OTX2: variants seen among roughly 807,000 people sequenced by gnomAD.
OTX2 encodes the protein homeobox protein OTX2.
Under a neutral mutation model 29.0 loss-of-function variants are expected in OTX2, and 4 were observed. The observed-to-expected ratio is 0.14, with a 90% CI of 0.07 to 0.32. OTX2 has a LOEUF of 0.32. OTX2 is among the 10% of genes least tolerant of loss of function. The pLI is 1.00. For missense variants in OTX2, 298 were observed against 365.9 expected (o/e 0.81, Z 1.51); for synonymous variants, 134 against 141.0 (o/e 0.95, Z 0.35).
At position 56,804,285 on chromosome 14, in the gene OTX2, T is replaced by C. The variant is rs567955379; in HGVS notation, c.176A>G (p.Asp59Gly). Residue 59 changes from aspartate to glycine, a missense_variant, in exon 4 of 5, where the codon GAT becomes GGT. This residue lies in a region of OTX2 where 29 missense variants were observed against 84.7 expected (regional missense o/e 0.34). Coordinates refer to ENST00000672264, the MANE Select transcript of OTX2 (RefSeq NM_021728.4). The surrounding 1 kb of genome is among the most constrained non-coding windows in gnomAD (Gnocchi z 4.1). ...ERTTFTRAQL[D>G]VLEALFAKTR... is the part of the protein sequence containing the mutation. ...CTTGGCAAACAGTGCTTCCAGCACA[T>C]CTAGCTGCGCCCGAGTGAACGTCGT... The C allele has an allele frequency of 6.2e-7, 1 of 1,614,136 alleles. No individual in the cohort carries two copies. The highest frequency in any genetic ancestry group is 1.1e-5 in the South Asian group (1 of 91,082).
At chr14:56,806,412 C>CA (rs1892091806) in intron 2 of OTX2, among the ~76,000 whole-genome samples, 1 of 152,176 alleles carries the variant, frequency 6.6e-6, no homozygotes, top group African/African-American at 2.4e-5. Flanking sequence ...AAGCATATTC[C>CA]AAAAAAGTCT....
rs1892007662 is a variant in OTX2, at chr14:56,804,449, C to T, written c.98-86G>A. On this transcript the variant is annotated intron_variant, in intron 3 of 4. Transcript: ENST00000672264. This position sits in a 1 kb window ranked among gnomAD's most constrained non-coding sequence, Gnocchi z 4.1. The stretch of plus-strand genomic sequence containing the variant: ...TGCCCTCCACCCCGCAGCAGTCCCC[C>T]GTTCCTCACAGCCCTTCAGCCGGGA... The T allele has an allele frequency of 7.8e-7, 1 of 1,289,532 alleles. No homozygotes were observed. Among genetic ancestry groups the T allele is most frequent in the East Asian group, 2.5e-5 (1 of 40,248 alleles). The allele number at this position is 1,289,532 out of a possible 1,614,324, so 79.9% of individuals were successfully genotyped here.
chr14:56,806,094 G>A (rs895291132), intron 2 of OTX2, among the ~76,000 whole-genome samples: 3 of 152,126 alleles, frequency 2.0e-5, no homozygotes, highest in African/African-American at 7.2e-5. Context: ...GCCTTTCCAT[G>A]GCAGAGATTT....
At chr14:56,808,613 T>G (rs1478411080) in intron 2 of OTX2, among the ~76,000 whole-genome samples, 1 of 151,664 alleles carries the variant, frequency 6.6e-6, no homozygotes, top group Non-Finnish European at 1.5e-5. Flanking sequence ...GGGGGAGGAG[T>G]TCCCTCTCCT....
chr14:56,806,341 C>T (rs1892089360), intron 2 of OTX2, among the ~76,000 whole-genome samples: 2 of 152,188 alleles, frequency 1.3e-5, no homozygotes, highest in South Asian at 4.1e-4. Flanking sequence ...TTATATGTGT[C>T]TAAGGAACGA....
chr14:56,809,436 A>G (rs1425732242), intron 2 of OTX2, among the ~76,000 whole-genome samples: 2 of 134,212 alleles, frequency 1.5e-5, no homozygotes, highest in Non-Finnish European at 3.3e-5. Flanking sequence ...CAAAAAGGAG[A>G]TCTGGAAGCT....
chr14:56,801,822 G>T lies in OTX2; in HGVS notation c.807C>A (p.Asp269Glu). The T allele has an allele frequency of 6.2e-7, 1 of 1,614,160 alleles. No individual in the cohort carries two copies. Among genetic ancestry groups the T allele is most frequent in the Non-Finnish European group, 8.5e-7 (1 of 1,180,028 alleles). The change falls in exon 5 of 5, where the codon GAC becomes GAA. Residue 269 changes from aspartate (D) to glutamate (E), a missense_variant. Physicochemically the swap from Asp to Glu is conservative, Grantham distance 45 (BLOSUM62 2). This residue lies in a region of OTX2 where 219 missense variants were observed against 223.5 expected (regional missense o/e 0.98). Transcript: ENST00000672264. The surrounding 1 kb of genome is among the most constrained non-coding windows in gnomAD (Gnocchi z 4.2). ...NSTTDCLDYK[D>E]QTASWKLNFN... is the part of the protein sequence containing the mutation. Reference sequence around the variant, plus strand: ...AGTTAAGCTTCCAGGAGGCAGTTTGGTCCTTATAATCCAAGCAATCAGTGG... The same window carrying T: ...AGTTAAGCTTCCAGGAGGCAGTTTGTTCCTTATAATCCAAGCAATCAGTGG...
chr14:56,804,799 G>C lies in OTX2; in HGVS notation c.98-436C>G, dbSNP rs577006647. On this transcript the variant is annotated intron_variant, in intron 3 of 4. Coordinates refer to ENST00000672264, the MANE Select transcript of OTX2 (RefSeq NM_021728.4). This position sits in a 1 kb window ranked among gnomAD's most constrained non-coding sequence, Gnocchi z 4.1. ...CCTTTGTTCCTCCATCTTTAAAATG[G>C]GGACATAGTTCATACTCCTGGGAGG... 6.6e-6 allele frequency among the ~76,000 whole-genome samples: 1 copy of C among 152,048 alleles called. No individual in the cohort carries two copies. The highest frequency in any genetic ancestry group is 1.5e-5 in the Non-Finnish European group (1 of 68,016).
chr14:56,805,561 T>C lies in OTX2; in HGVS notation c.-105A>G. 1.4e-6 allele frequency: 1 copy of C among 737,486 alleles called. No individual in the cohort carries two copies. The highest frequency in any genetic ancestry group is 1.5e-5 in the South Asian group (1 of 68,014). The allele number at this position is 737,486 out of a possible 1,614,324, so 45.7% of individuals were successfully genotyped here. On this transcript the variant is annotated 5_prime_UTR_variant, in exon 3 of 5. Transcript: ENST00000672264. ...AGGTTCAGAGTCCTTGGTGGGTGGG[T>C]TTGGAGCAGTGGAACTAAGGGCAAA...
At chr14:56,805,227 G>C (rs920892614) in intron 3 of OTX2, 133 bp downstream of exon 3, 8 of 680,624 alleles carry the variant, frequency 1.2e-5, no homozygotes, top group Non-Finnish European at 2.1e-5. Flanking sequence ...GGCAAACCTA[G>C]AGGAGACCAA....
In OTX2 at chr14:56,805,558, G is replaced by A. The variant is rs1892059092; in HGVS notation, c.-102C>T. 2.7e-6 allele frequency: 2 copies of A among 751,272 alleles called. No homozygotes were observed. Among genetic ancestry groups the A allele is most frequent in the Admixed American group, 4.0e-5 (2 of 50,372 alleles). The allele number at this position is 751,272 out of a possible 1,614,324, so 46.5% of individuals were successfully genotyped here. A position where few individuals can be genotyped will look rare whatever the true frequency, so the allele number is the denominator to read the frequency against. On this transcript the variant is annotated 5_prime_UTR_variant, in exon 3 of 5. Transcript: ENST00000672264. The stretch of plus-strand genomic sequence containing the variant: ...GACAGGTTCAGAGTCCTTGGTGGGT[G>A]GGTTTGGAGCAGTGGAACTAAGGGC...
At chr14:56,809,438 C>T (rs1225524575) in intron 2 of OTX2, among the ~76,000 whole-genome samples, 1 of 132,766 alleles carries the variant, frequency 7.5e-6, no homozygotes, top group Non-Finnish European at 1.7e-5. Flanking sequence ...AAAAGGAGAT[C>T]TGGAAGCTTT....
rs750146313 is a variant in OTX2 at position 56,801,609 on chromosome 14, C to G, written c.*126G>C. The G allele has an allele frequency of 1.8e-6, 2 of 1,140,938 alleles. No individual in the cohort carries two copies. Among genetic ancestry groups the G allele is most frequent in the Admixed American group, 1.8e-5 (1 of 55,920 alleles). 70.7% of individuals were successfully genotyped at this position (1,140,938 alleles called of 1,614,324 possible). A position where few individuals can be genotyped will look rare whatever the true frequency, so the allele number is the denominator to read the frequency against. On this transcript the variant is annotated 3_prime_UTR_variant, in exon 5 of 5. Transcript: ENST00000672264. This position sits in a 1 kb window ranked among gnomAD's most constrained non-coding sequence, Gnocchi z 4.2. ...CCTTCGTTTTTCCTTCTATGCCTCT[C>G]GGAACTTTGATCAGATGAGTCTGAG...
intron 2 of OTX2, among the ~76,000 whole-genome samples, chr14:56,807,438 TA>T (rs1164438181): frequency 4.6e-5 from 7 of 152,130 alleles, no homozygotes; most frequent in African/African-American, 2.4e-5. Flanking sequence ...ATATCAGATG[TA>T]CCCTTGAGAA....
rs553884027 is a variant in OTX2 at position 56,802,203 on chromosome 14, G to A, written c.426C>T (p.Pro142=). The A allele has an allele frequency of 9.3e-6, 15 of 1,614,126 alleles. No individual in the cohort carries two copies. The highest frequency in any genetic ancestry group is 2.2e-5 in the South Asian group (2 of 91,074). Residue 142 remains proline (P), a synonymous_variant, in exon 5 of 5, where the codon CCC becomes CCT. Coordinates refer to ENST00000672264, the MANE Select transcript of OTX2 (RefSeq NM_021728.4). The surrounding 1 kb of genome is among the most constrained non-coding windows in gnomAD (Gnocchi z 4.4). ...CAATGGTCGGGACTGAGGTGCTAGA[G>A]GGGGGAGTGAATTGGCCACTTGTTC... ...ESGTSGQFTP[P]SSTSVPTIAS...
intron 2 of OTX2, among the ~76,000 whole-genome samples, chr14:56,809,010 T>A (rs1445882670): frequency 1.3e-5 from 2 of 152,146 alleles, no homozygotes; most frequent in African/African-American, 4.8e-5. Context: ...ACTGGGCCGA[T>A]CCATGGCACA....
At position 56,801,755 on chromosome 14, in the gene OTX2, A is replaced by G; in HGVS notation, c.874T>C (p.Trp292Arg). Reference sequence around the variant, plus strand: ...GGTCTTCACAAAACCTGGAATTTCCACGAGGATGTCTGATCTTTATAATCC... The same window carrying G: ...GGTCTTCACAAAACCTGGAATTTCCGCGAGGATGTCTGATCTTTATAATCC... The part of the protein sequence containing the change: ...CLDYKDQTSS[W>R]KFQVL The change falls in exon 5 of 5, where the codon TGG becomes CGG. Residue 292 changes from tryptophan to arginine, a missense_variant. By Grantham distance (101) the Trp-to-Arg change is moderately radical (BLOSUM62 -3). Coordinates refer to ENST00000672264, the MANE Select transcript of OTX2 (RefSeq NM_021728.4). The surrounding 1 kb of genome is among the most constrained non-coding windows in gnomAD (Gnocchi z 4.2). The G allele has an allele frequency of 6.2e-7, 1 of 1,614,162 alleles. No individual in the cohort carries two copies. Among genetic ancestry groups the G allele is most frequent in the Non-Finnish European group, 8.5e-7 (1 of 1,180,042 alleles).
At chr14:56,807,643 T>C (rs1892133668) in intron 2 of OTX2, among the ~76,000 whole-genome samples, 1 of 152,186 alleles carries the variant, frequency 6.6e-6, no homozygotes, top group Non-Finnish European at 1.5e-5. Flanking sequence ...ATTTTCACTT[T>C]TGCTCCTGGA....
In OTX2 at chr14:56,801,106, G is replaced by A. The variant is rs1283965626; in HGVS notation, c.*629C>T. On this transcript the variant is annotated 3_prime_UTR_variant, in exon 5 of 5. Coordinates refer to ENST00000672264, the MANE Select transcript of OTX2 (RefSeq NM_021728.4). This position sits in a 1 kb window ranked among gnomAD's most constrained non-coding sequence, Gnocchi z 4.2. Reference sequence around the variant, plus strand: ...TTCAAGGTTGCATACAATAACAGGAGATCACAGTTTTGAAGTCTAGCACAG... The same window carrying A: ...TTCAAGGTTGCATACAATAACAGGAAATCACAGTTTTGAAGTCTAGCACAG... 1 of 158,482 alleles carries A rather than the reference G, an allele frequency of 6.3e-6. No individual in the cohort carries two copies. Among genetic ancestry groups the A allele is most frequent in the African/African-American group, 2.4e-5 (1 of 41,466 alleles). The allele number at this position is 158,482 out of a possible 1,614,324, so 9.8% of individuals were successfully genotyped here.
Sources: gnomAD v4.1 joint callset for allele counts (sites outside exome capture counted in the v4.1 genomes callset) on GRCh38, gnomAD v4.1.1 for gene constraint, gnomAD v4.1.1 regional missense constraint, Gnocchi (gnomAD v3.1) non-coding constraint, MANE v1.5 for transcripts, NCBI Gene and HGNC (gene_info 2026-07-23, HGNC 2026-07-21) for gene names.